The following PDGFRL variants were observed in gnomAD, a reference collection of about 807,000 sequenced individuals.
PDGFRL encodes platelet-derived growth factor receptor-like protein.
Under a neutral mutation model 37.2 loss-of-function variants are expected in PDGFRL, and 46 were observed. That is an observed-to-expected ratio of 1.24 (90% CI 0.98 to 1.58). The LOEUF is 1.58. PDGFRL is among the 40% of genes most tolerant of loss of function. The probability of loss-of-function intolerance (pLI) is 0.00; values close to 1 mark genes in which losing one functional copy is unlikely to be tolerated. For synonymous variants in PDGFRL, 251 were observed against 184.3 expected, an observed-to-expected ratio of 1.36 and a Z score of -2.93; for missense variants, 692 against 467.6, an observed-to-expected ratio of 1.48 and a Z score of -4.43.
intron 4 of PDGFRL, among the ~76,000 whole-genome samples, chr8:17,633,023 C>T (rs1804894592): frequency 6.6e-6 from 1 of 152,130 alleles, no homozygotes; most frequent in Non-Finnish European, 1.5e-5. Flanking sequence ...ATTAACCATA[C>T]GATGACTCAC....
intron 4 of PDGFRL, among the ~76,000 whole-genome samples, chr8:17,632,474 A>AT (rs1005372989): frequency 4.6e-5 from 7 of 151,806 alleles, no homozygotes; most frequent in African/African-American, 1.7e-4. Flanking sequence ...AGTATCTGGG[A>AT]TTACAGGCAT....
At chr8:17,628,115 T>A (rs938309882) in intron 3 of PDGFRL, among the ~76,000 whole-genome samples, 5 of 146,704 alleles carry the variant, frequency 3.4e-5, no homozygotes, top group Non-Finnish European at 6.0e-5. Context: ...TGCCTCAGCC[T>A]CCCGAGTAGC....
chr8:17,616,220 G>A (rs936223886), intron 2 of PDGFRL, among the ~76,000 whole-genome samples: 2 of 145,644 alleles, frequency 1.4e-5, no homozygotes, highest in Non-Finnish European at 3.0e-5. Flanking sequence ...TTCTGAGAGG[G>A]AGCCTTGCTC....
chr8:17,576,977 TTGTAA>T (rs1482465642), upstream of PDGFRL, among the ~76,000 whole-genome samples: 5 of 151,638 alleles, frequency 3.3e-5, no homozygotes, highest in African/African-American at 1.2e-4. Context: ...GGAATGGCTG[TTGTAA>T]TGTACATTTC....
At chr8:17,608,353 A>G (rs2517199) in intron 2 of PDGFRL, among the ~76,000 whole-genome samples, 82,802 of 151,998 alleles carry the variant, frequency 0.54, 23,397 homozygotes, top group Middle Eastern at 0.64. Context: ...TTGACTTCAT[A>G]GCTGGGAAAA....
chr8:17,596,967 T>C (rs1804066579), intron 2 of PDGFRL, among the ~76,000 whole-genome samples: 1 of 152,222 alleles, frequency 6.6e-6, no homozygotes, highest in African/African-American at 2.4e-5. Flanking sequence ...TATGACAGTG[T>C]TGGGTTTGGA....
Position 17,589,702 on chromosome 8 carries a change from A to G in PDGFRL, c.290A>G (p.Lys97Arg). Reference sequence around the variant, plus strand: ...GGGCAAACTGTAGAGCTTCGATGTAAAGGGAGTAGAATTGGGTGGAGCTAC... The same window carrying G: ...GGGCAAACTGTAGAGCTTCGATGTAGAGGGAGTAGAATTGGGTGGAGCTAC... ...LAGQTVELRCKGSRIGWSYPA... is the reference protein window; with the variant it reads ...LAGQTVELRCRGSRIGWSYPA... Residue 97 changes from lysine to arginine, a missense_variant, in exon 2 of 6, where the codon AAA becomes AGA. Transcript: ENST00000251630. The G allele has an allele frequency of 6.2e-7, 1 of 1,613,546 alleles. No homozygotes were observed. Among genetic ancestry groups the G allele is most frequent in the African/African-American group, 1.3e-5 (1 of 75,022 alleles).
intron 2 of PDGFRL, among the ~76,000 whole-genome samples, chr8:17,605,984 G>A (rs756250569): frequency 1.4e-4 from 22 of 152,174 alleles, no homozygotes; most frequent in Admixed American, 2.6e-4. Context: ...AGGGTGGGCC[G>A]ATGGAGCAGA....
chr8:17,633,400 C>T (rs951532851), intron 4 of PDGFRL, among the ~76,000 whole-genome samples: 3 of 152,084 alleles, frequency 2.0e-5, no homozygotes, highest in African/African-American at 4.8e-5. Context: ...TGTTGGCAGG[C>T]GCCTGTAGTC....
chr8:17,623,637 G>A (rs28706122), intron 3 of PDGFRL, among the ~76,000 whole-genome samples: 2,831 of 152,190 alleles, frequency 0.019, 89 homozygotes, highest in African/African-American at 0.065. Context: ...CACTTTGGGA[G>A]GCCACGGCGG....
intron 5 of PDGFRL, among the ~76,000 whole-genome samples, chr8:17,640,972 G>A (rs1805079971): frequency 6.6e-6 from 1 of 152,040 alleles, no homozygotes; most frequent in South Asian, 2.1e-4. Flanking sequence ...GACTGGCGGT[G>A]TGGTTCTCAG....
At chr8:17,609,621 G>C (rs556861879) in intron 2 of PDGFRL, among the ~76,000 whole-genome samples, 10 of 111,760 alleles carry the variant, frequency 8.9e-5, no homozygotes, top group Admixed American at 8.5e-4. Context: ...CTGGGTGACA[G>C]AGTGAGACTC....
intron 2 of PDGFRL, among the ~76,000 whole-genome samples, chr8:17,598,729 C>A (rs938972087): frequency 1.3e-5 from 2 of 152,142 alleles, no homozygotes; most frequent in Non-Finnish European, 2.9e-5. Flanking sequence ...ATTATAGCTC[C>A]TGTAATTCCC....
chr8:17,579,417 G>A (rs2150805656), intron 1 of PDGFRL, among the ~76,000 whole-genome samples: 1 of 152,138 alleles, frequency 6.6e-6, no homozygotes, highest in South Asian at 2.1e-4. Context: ...CAGATTGGCA[G>A]GTTGGGAATA....
chr8:17,584,695 A>G (rs1307563837), intron 1 of PDGFRL, among the ~76,000 whole-genome samples: 2 of 149,140 alleles, frequency 1.3e-5, no homozygotes, highest in African/African-American at 4.9e-5. Context: ...CTGGCATTGA[A>G]GGATCTAATT....
At chr8:17,625,934 G>A (rs1804724823) in intron 3 of PDGFRL, among the ~76,000 whole-genome samples, 1 of 152,206 alleles carries the variant, frequency 6.6e-6, no homozygotes, top group Non-Finnish European at 1.5e-5. Flanking sequence ...GGTTGAAACT[G>A]CAGTAAGTCA....
At chr8:17,603,126 G>T (rs568670480) in intron 2 of PDGFRL, among the ~76,000 whole-genome samples, 1 of 152,250 alleles carries the variant, frequency 6.6e-6, no homozygotes, top group East Asian at 1.9e-4. Context: ...GAGGTTACAG[G>T]CGTGCGCCAC....
chr8:17,584,217 C>T (rs949669685), intron 1 of PDGFRL, among the ~76,000 whole-genome samples: 1 of 152,074 alleles, frequency 6.6e-6, no homozygotes, highest in African/African-American at 2.4e-5. Flanking sequence ...TTGTCCTGAG[C>T]AATTGTCATT....
At chr8:17,579,910 T>C (rs6989102) in intron 1 of PDGFRL, among the ~76,000 whole-genome samples, 42,366 of 151,860 alleles carry the variant, frequency 0.28, 6,201 homozygotes, top group Middle Eastern at 0.41. Flanking sequence ...CACGTTGAGA[T>C]GTCAATCATA....
Sources: allele counts gnomAD v4.1 joint callset (sites outside exome capture counted in the v4.1 genomes callset), GRCh38; gene constraint gnomAD v4.1.1; transcripts MANE v1.5; gene names NCBI Gene and HGNC (gene_info 2026-07-23, HGNC 2026-07-21).